The following ACCSL variants were observed in gnomAD, a reference collection of about 807,000 sequenced individuals.
ACCSL encodes the protein 1-aminocyclopropane-1-carboxylate synthase homolog (inactive) like, also known as probable inactive 1-aminocyclopropane-1-carboxylate synthase-like protein 2.
In ACCSL, 55 loss-of-function variants were observed where a neutral mutation model predicts 61.7. The observed-to-expected ratio is 0.89, with a 90% confidence interval of 0.72 to 1.12. ACCSL has a LOEUF of 1.12. Among genes scored for constraint, ACCSL ranks in the 50% most tolerant of loss-of-function variants. The pLI is 0.00. For missense variants in ACCSL, 632 were observed against 698.0 expected, an observed-to-expected ratio of 0.91 and a Z score of 1.07; for synonymous variants, 258 against 264.3, an observed-to-expected ratio of 0.98 and a Z score of 0.23.
At chr11:44,030,935 G>A in the ACCSL span, among the ~76,000 whole-genome samples, 147 of 152,212 alleles carry the variant, frequency 9.7e-4, no homozygotes, top group Middle Eastern at 0.02. Context: ...TTATACACGG[G>A]GAAACTGAAA....
Position 44,055,184 on chromosome 11 carries a change from C to A in ACCSL, c.1050-18C>A, listed in dbSNP as rs2134773898. On this transcript the variant is annotated intron_variant, in intron 8 of 13. Transcript: ENST00000378832. Reference sequence around the variant, plus strand: ...AGAGAAGCTAGATCTTGTTCTCCTTCTTTCATCTAATCTACAGGTATAACC... The same window carrying A: ...AGAGAAGCTAGATCTTGTTCTCCTTATTTCATCTAATCTACAGGTATAACC... The A allele has an allele frequency of 1.3e-6, 2 of 1,539,282 alleles. No homozygotes were observed. The highest frequency in any genetic ancestry group is 1.8e-6 in the Non-Finnish European group (2 of 1,121,322).
At chr11:43,990,981 G>A in the ACCSL span, among the ~76,000 whole-genome samples, 2 of 151,990 alleles carry the variant, frequency 1.3e-5, no homozygotes, top group South Asian at 4.2e-4. Flanking sequence ...TGAGGCAGGA[G>A]AATCACTTGA....
chr11:43,985,910 T>C, the ACCSL span, among the ~76,000 whole-genome samples: 4 of 152,006 alleles, frequency 2.6e-5, no homozygotes, highest in Admixed American at 6.6e-5. Context: ...GTGGGGAGTA[T>C]GCCTGTAATC....
upstream of ACCSL, among the ~76,000 whole-genome samples, chr11:44,045,557 T>G (rs1213367148): frequency 1.3e-5 from 2 of 152,208 alleles, no homozygotes; most frequent in African/African-American, 4.8e-5. Flanking sequence ...TGGGGGGTTC[T>G]CATTCAAACT....
chr11:43,977,882 A>G, the ACCSL span, among the ~76,000 whole-genome samples: 83 of 152,184 alleles, frequency 5.5e-4, no homozygotes, highest in Non-Finnish European at 1.0e-3. Flanking sequence ...CCTTATCTGT[A>G]AGATGGGACA....
the ACCSL span, chr11:43,942,728 C>T: frequency 6.6e-6 from 1 of 150,718 alleles, no homozygotes. Flanking sequence ...GCCCGCCCGC[C>T]CGCCCTCCCG....
the ACCSL span, among the ~76,000 whole-genome samples, chr11:43,985,792 C>T: frequency 1.6e-4 from 25 of 152,252 alleles, no homozygotes; most frequent in Admixed American, 1.3e-3. Context: ...CAGTGGCTCA[C>T]GCCTGTACTT....
At chr11:43,964,952 T>G in the ACCSL span, among the ~76,000 whole-genome samples, 1 of 152,124 alleles carries the variant, frequency 6.6e-6, no homozygotes, top group Admixed American at 6.5e-5. Context: ...CTCAACCAGG[T>G]AAAGGACATT....
chr11:43,921,964 C>A, the ACCSL span, among the ~76,000 whole-genome samples: 2 of 152,088 alleles, frequency 1.3e-5, no homozygotes, highest in Non-Finnish European at 2.9e-5. Flanking sequence ...AATTCCAGAC[C>A]ATGGCAAAGG....
At chr11:43,988,600 C>T in the ACCSL span, among the ~76,000 whole-genome samples, 6 of 151,664 alleles carry the variant, frequency 4.0e-5, no homozygotes, top group Middle Eastern at 3.4e-3. Flanking sequence ...GAGACTTTAG[C>T]GTGGTAATAA....
At chr11:43,950,062 C>G in the ACCSL span, among the ~76,000 whole-genome samples, 2 of 152,186 alleles carry the variant, frequency 1.3e-5, no homozygotes, top group African/African-American at 4.8e-5. Context: ...AATGCAGATT[C>G]ACTGAGCCAG....
At chr11:43,941,181 A>C in the ACCSL span, among the ~76,000 whole-genome samples, 1 of 152,136 alleles carries the variant, frequency 6.6e-6, no homozygotes, top group Admixed American at 6.5e-5. Context: ...CCAGGCTCTG[A>C]GCAGCCTTTC....
At chr11:44,039,297 A>G in the ACCSL span, among the ~76,000 whole-genome samples, 1 of 152,170 alleles carries the variant, frequency 6.6e-6, no homozygotes, top group Non-Finnish European at 1.5e-5. Context: ...GCTTGTTTTA[A>G]AAAGCAGATT....
the ACCSL span, among the ~76,000 whole-genome samples, chr11:44,042,830 C>A: frequency 6.6e-6 from 1 of 152,072 alleles, no homozygotes; most frequent in African/African-American, 2.4e-5. Flanking sequence ...CCTGTAATCC[C>A]AGCACTTTGG....
chr11:43,998,804 G>C, the ACCSL span, among the ~76,000 whole-genome samples: 1 of 148,384 alleles, frequency 6.7e-6, no homozygotes, highest in Non-Finnish European at 1.5e-5. Context: ...CTGTTGCCCA[G>C]CCTAGAGTGT....
chr11:43,941,747 A>G, the ACCSL span, among the ~76,000 whole-genome samples: 4 of 152,210 alleles, frequency 2.6e-5, no homozygotes, highest in Non-Finnish European at 5.9e-5. Flanking sequence ...TGGTTTTCCC[A>G]TATGTAAAAA....
At chr11:44,048,821 G>A (rs1044289957) in intron 1 of ACCSL, among the ~76,000 whole-genome samples, 9 of 152,106 alleles carry the variant, frequency 5.9e-5, no homozygotes, top group African/African-American at 1.2e-4. Flanking sequence ...TGAGCCTGCC[G>A]TTAAAGAACT....
At chr11:43,943,515 T>TA in the ACCSL span, 1 of 1,346,366 alleles carries the variant, frequency 7.4e-7, no homozygotes, top group Non-Finnish European at 9.8e-7. The surrounding 1 kb of genome is among the most constrained non-coding windows in gnomAD (Gnocchi z 4.8). Flanking sequence ...GTTTATTTTT[T>TA]AACTCTTCCC....
chr11:44,003,424 G>C, the ACCSL span, among the ~76,000 whole-genome samples: 1 of 152,128 alleles, frequency 6.6e-6, no homozygotes, highest in African/African-American at 2.4e-5. Context: ...AGGCTGAGGT[G>C]GGTGGGTCGC....
Sources: gnomAD v4.1 joint callset for allele counts (sites outside exome capture counted in the v4.1 genomes callset) on GRCh38, gnomAD v4.1.1 for gene constraint, Gnocchi (gnomAD v3.1) non-coding constraint, MANE v1.5 for transcripts, NCBI Gene and HGNC (gene_info 2026-07-23, HGNC 2026-07-21) for gene names.